The following RNF216 variants were observed in gnomAD, a reference collection of about 807,000 sequenced individuals.
The protein encoded by RNF216 is E3 ubiquitin-protein ligase RNF216.
RNF216 carries 72 observed loss-of-function variants against 110.8 expected under a neutral mutation model. The observed-to-expected ratio is 0.65, with a 90% CI of 0.54 to 0.79. The LOEUF is 0.79. Among genes scored for constraint, RNF216 ranks in the 30% least tolerant of loss-of-function variants. The pLI is 0.00. For missense variants in RNF216, 1,342 were observed against 1,141.2 expected (o/e 1.18, Z -2.54); for synonymous variants, 495 against 407.5 (o/e 1.21, Z -2.59).
chr7:5,635,538 C>G (rs1435062728), intron 15 of RNF216, among the ~76,000 whole-genome samples: 1 of 152,080 alleles, frequency 6.6e-6, no homozygotes, highest in Non-Finnish European at 1.5e-5. Flanking sequence ...CACAGCCTTC[C>G]TCCCTAATTC....
chr7:5,712,895 A>T lies in RNF216; in HGVS notation c.1834-32T>A, dbSNP rs201049388. 35 of 1,587,340 alleles carry T rather than the reference A, an allele frequency of 2.2e-5. No homozygotes were observed. The East Asian group carries it at 7.6e-4, about 35-fold the overall frequency. On this transcript the variant is annotated intron_variant, in intron 11 of 16. Transcript: ENST00000389902. ...AAAGGCGAAAAGGCAAAGAAAAAAAAATCAATACCATTTATAGAAAAATAA... is the reference window on the plus strand; with the variant it reads ...AAAGGCGAAAAGGCAAAGAAAAAAATATCAATACCATTTATAGAAAAATAA...
chr7:5,620,325 C>A lies in RNF216; in HGVS notation c.*2535G>T, dbSNP rs1002654408. On this transcript the variant is annotated 3_prime_UTR_variant, in exon 17 of 17. Transcript: ENST00000389902. ...TGTGGCTGGGGAGCCTCACGCCCTG[C>A]GGCAAGCCCTGCAGGGCAGAGAGAG... is the stretch of plus-strand genomic sequence containing the variant. The A allele has an allele frequency of 3.9e-5, 6 of 152,176 alleles. No individual in the cohort carries two copies. The highest frequency in any genetic ancestry group is 3.3e-4 in the Admixed American group (5 of 15,282). The allele number at this position is 152,176 out of a possible 1,614,324, so 9.4% of individuals were successfully genotyped here.
intron 1 of RNF216, among the ~76,000 whole-genome samples, chr7:5,764,045 T>A (rs948662921): frequency 2.0e-5 from 3 of 150,796 alleles, no homozygotes; most frequent in African/African-American, 7.3e-5. Context: ...CAAGAAATTA[T>A]CCAGATGTGG....
chr7:5,677,186 T>C (rs1360103161), intron 13 of RNF216, among the ~76,000 whole-genome samples: 1 of 152,232 alleles, frequency 6.6e-6, no homozygotes, highest in African/African-American at 2.4e-5. Flanking sequence ...AGGTGTTAAT[T>C]TTAGAGCAAA....
chr7:5,685,282 G>A (rs1375155119), intron 13 of RNF216, among the ~76,000 whole-genome samples: 4 of 152,096 alleles, frequency 2.6e-5, no homozygotes, highest in Middle Eastern at 3.2e-3. Flanking sequence ...TTGCTCCAGA[G>A]CCTCTTGATC....
chr7:5,759,466 TA>T (rs1243107650), intron 2 of RNF216, among the ~76,000 whole-genome samples: 1 of 152,130 alleles, frequency 6.6e-6, no homozygotes, highest in Non-Finnish European at 1.5e-5. Flanking sequence ...TTCTCTTCCT[TA>T]TGATTTTCTT....
intron 15 of RNF216, among the ~76,000 whole-genome samples, chr7:5,636,529 C>A (rs1487886225): frequency 1.3e-5 from 2 of 152,176 alleles, no homozygotes; most frequent in African/African-American, 4.8e-5. Flanking sequence ...TTCTTCCTGG[C>A]CCTGCTGGTT....
At chr7:5,674,968 G>A (rs1790182055) in intron 13 of RNF216, among the ~76,000 whole-genome samples, 1 of 152,130 alleles carries the variant, frequency 6.6e-6, no homozygotes, top group African/African-American at 2.4e-5. Flanking sequence ...CTGCACTCCA[G>A]CCTGGGCGAC....
chr7:5,731,939 G>A (rs1407270296), intron 5 of RNF216, among the ~76,000 whole-genome samples: 2 of 152,080 alleles, frequency 1.3e-5, no homozygotes, highest in South Asian at 4.1e-4. Context: ...CCCCGCCGGG[G>A]ACCCACGTCA....
intron 13 of RNF216, among the ~76,000 whole-genome samples, chr7:5,677,864 G>A (rs1790403531): frequency 6.6e-6 from 1 of 152,122 alleles, no homozygotes; most frequent in Non-Finnish European, 1.5e-5. Context: ...GGAATGTAAG[G>A]GAGCTAGAAA....
Position 5,739,283 on chromosome 7 carries a change from G to A in RNF216, c.1114C>T (p.Leu372=), listed in dbSNP as rs769372341. ...GCATGGTAGTATACTTACACATTCA[G>A]ATCATAATAATTCTTAAAATGAATT... The part of the protein sequence containing the change: ...EIIHFKNYYD[L]NVLCNFLLEN... Residue 372 remains leucine, a synonymous_variant, in exon 5 of 17, where the codon CTG becomes TTG. Coordinates refer to ENST00000389902, the MANE Select transcript of RNF216 (RefSeq NM_207111.4). 1 of 1,592,130 alleles carries A rather than the reference G, an allele frequency of 6.3e-7. No individual in the cohort carries two copies.
chr7:5,733,036 C>T (rs187009937), intron 5 of RNF216: 1 of 152,200 alleles, frequency 6.6e-6, no homozygotes, highest in African/African-American at 2.4e-5. Context: ...ATCTGAAGGC[C>T]ATTTAAAGAT....
At chr7:5,778,964 G>A (rs962314862) in intron 1 of RNF216, among the ~76,000 whole-genome samples, 2 of 152,174 alleles carry the variant, frequency 1.3e-5, no homozygotes, top group African/African-American at 2.4e-5. Context: ...GGCTGGTCTC[G>A]AACTCCTGAC....
At chr7:5,753,912 T>TG (rs1490955197) in intron 2 of RNF216, among the ~76,000 whole-genome samples, 2 of 151,976 alleles carry the variant, frequency 1.3e-5, no homozygotes, top group Non-Finnish European at 2.9e-5. Context: ...GGAGAATCGT[T>TG]TGAACTCGGG....
intron 13 of RNF216, among the ~76,000 whole-genome samples, chr7:5,688,726 TTA>T (rs1791140230): frequency 6.6e-6 from 1 of 151,912 alleles, no homozygotes; most frequent in African/African-American, 2.4e-5. Flanking sequence ...CAGGCTTGTC[TTA>T]TTTTTTTTTG....
chr7:5,668,820 T>C (rs1215955169), intron 13 of RNF216, among the ~76,000 whole-genome samples: 2 of 152,184 alleles, frequency 1.3e-5, no homozygotes, highest in African/African-American at 2.4e-5. Context: ...TCACAAGATT[T>C]GGGCGTTCTA....
intron 13 of RNF216, among the ~76,000 whole-genome samples, chr7:5,690,984 A>G (rs1434073134): frequency 2.6e-5 from 4 of 152,156 alleles, no homozygotes; most frequent in Admixed American, 2.0e-4. Flanking sequence ...CAGCCAGGAG[A>G]GGCTGAAGCT....
At chr7:5,676,803 T>A (rs1427338914) in intron 13 of RNF216, among the ~76,000 whole-genome samples, 3 of 152,174 alleles carry the variant, frequency 2.0e-5, no homozygotes, top group East Asian at 1.9e-4. Context: ...GCCACTGGAC[T>A]CAGGTTCCAA....
chr7:5,680,250 C>T lies in RNF216; in HGVS notation c.2062-27740G>A, dbSNP rs1422232338. 1.3e-5 allele frequency: 2 copies of T among 152,292 alleles called. No individual in the cohort carries two copies. The highest frequency in any genetic ancestry group is 2.9e-5 in the Non-Finnish European group (2 of 68,138). 9.4% of individuals were successfully genotyped at this position (152,292 alleles called of 1,614,324 possible). ...AAGTCTCTTCATGCTCTAATGCAGC[C>T]TTCAAGGTCCAACAGGGAAGTGGTT... is the stretch of plus-strand genomic sequence containing the variant. On this transcript the variant is annotated intron_variant, in intron 13 of 16. Transcript: ENST00000389902. This position sits in a 1 kb window ranked among gnomAD's most constrained non-coding sequence, Gnocchi z 4.3.
Sources: allele counts gnomAD v4.1 joint callset (sites outside exome capture counted in the v4.1 genomes callset), GRCh38; gene constraint gnomAD v4.1.1; non-coding constraint Gnocchi (gnomAD v3.1); transcripts MANE v1.5; gene names NCBI Gene and HGNC (gene_info 2026-07-23, HGNC 2026-07-21).